Variants in FSIP1 observed in about 807,000 individuals in gnomAD.
FSIP1 encodes fibrous sheath-interacting protein 1.
A neutral mutation model predicts 60.9 loss-of-function variants in FSIP1; 65 were observed. That is an observed-to-expected ratio of 1.07 (90% CI 0.87 to 1.31). The LOEUF is 1.31. Among genes scored for constraint, FSIP1 ranks in the 40% most tolerant of loss-of-function variants. FSIP1 has a pLI of 0.00. For synonymous variants in FSIP1, 209 were observed against 221.2 expected, an observed-to-expected ratio of 0.94 and a Z score of 0.49; for missense variants, 675 against 665.5, an observed-to-expected ratio of 1.01 and a Z score of -0.16.
intron 10 of FSIP1, among the ~76,000 whole-genome samples, chr15:39,686,148 C>T (rs890919129): frequency 6.6e-6 from 1 of 152,154 alleles, no homozygotes; most frequent in Non-Finnish European, 1.5e-5. Context: ...TAAGGGGATT[C>T]TCTAGGAAAC....
chr15:39,663,976 A>C (rs1462701165), intron 10 of FSIP1, among the ~76,000 whole-genome samples: 1 of 152,208 alleles, frequency 6.6e-6, no homozygotes, highest in Non-Finnish European at 1.5e-5. Flanking sequence ...TCCTAATGGT[A>C]ACTAAAAGCT....
intron 8 of FSIP1, among the ~76,000 whole-genome samples, chr15:39,732,301 T>G (rs1466695040): frequency 6.6e-6 from 1 of 151,920 alleles, no homozygotes; most frequent in Non-Finnish European, 1.5e-5. Flanking sequence ...CCTAGAGAGA[T>G]TCAAGAGAAG....
intron 10 of FSIP1, among the ~76,000 whole-genome samples, chr15:39,619,645 T>C (rs1042052824): frequency 2.0e-5 from 3 of 152,164 alleles, no homozygotes; most frequent in South Asian, 2.1e-4. Context: ...ATCAGGAGCA[T>C]TATCTCCACC....
At position 39,741,834 on chromosome 15, in the gene FSIP1, T is replaced by C. The variant is rs748369342; in HGVS notation, c.626A>G (p.Tyr209Cys). ...VFHTQIPPEE[Y>C]EMQMQKLNKD... The stretch of plus-strand genomic sequence containing the variant: ...ATTGAGTTTCTGCATCTGCATTTCA[T>C]ATTCTTCTGGAGGGATTTGAGTATG... The change falls in exon 6 of 12, where the codon TAT (tyrosine) becomes TGT (cysteine). Residue 209 changes from tyrosine (Y) to cysteine (C), a missense_variant. Transcript: ENST00000350221. The C allele has an allele frequency of 6.2e-6, 10 of 1,600,972 alleles. No homozygotes were observed. The highest frequency in any genetic ancestry group is 8.6e-6 in the Non-Finnish European group (10 of 1,168,838).
chr15:39,659,386 C>T (rs975756282), intron 10 of FSIP1, among the ~76,000 whole-genome samples: 16 of 151,842 alleles, frequency 1.1e-4, no homozygotes, highest in African/African-American at 3.1e-4. Context: ...ACTAAAAATA[C>T]GAAAAATTAG....
At position 39,642,555 on chromosome 15, in the gene FSIP1, G is replaced by A. The variant is rs148970476; in HGVS notation, c.1189-24310C>T. On this transcript the variant is annotated intron_variant, in intron 10 of 11. Coordinates refer to ENST00000350221, the MANE Select transcript of FSIP1 (RefSeq NM_152597.5). ...CTGCATGGGGTAGGAATGCACACACGTGTTTTCAGCTGCTTCATATTCAGG... is the reference window on the plus strand; with the variant it reads ...CTGCATGGGGTAGGAATGCACACACATGTTTTCAGCTGCTTCATATTCAGG... Among the ~76,000 whole-genome samples the A allele has an allele frequency of 1.1e-4, 17 of 152,280 alleles. No individual in the cohort carries two copies. The East Asian group carries it at 2.7e-3, about 24-fold the overall frequency.
chr15:39,603,022 A>G, intron 11 of FSIP1, among the ~76,000 whole-genome samples: 1 of 152,204 alleles, frequency 6.6e-6, no homozygotes, highest in East Asian at 1.9e-4. Context: ...GTCTGTCATA[A>G]CTGCAGAGGA....
At chr15:39,724,907 A>AAAT (rs142713017) in intron 9 of FSIP1, among the ~76,000 whole-genome samples, 18,019 of 152,126 alleles carry the variant, frequency 0.12, 1,283 homozygotes, top group African/African-American at 0.2. Context: ...AGAATTCAGT[A>AAAT]ACATAAATAA....
intron 10 of FSIP1, among the ~76,000 whole-genome samples, chr15:39,640,618 A>G (rs1001782158): frequency 6.6e-6 from 1 of 152,030 alleles, no homozygotes; most frequent in Non-Finnish European, 1.5e-5. Flanking sequence ...GCTGAATTAA[A>G]TTTAAAGGAG....
intron 10 of FSIP1, among the ~76,000 whole-genome samples, chr15:39,643,611 G>A (rs907483674): frequency 6.6e-6 from 1 of 152,210 alleles, no homozygotes; most frequent in Non-Finnish European, 1.5e-5. Context: ...TAATACTTGT[G>A]AGTCTCAAAT....
intron 2 of FSIP1, among the ~76,000 whole-genome samples, chr15:39,772,660 G>A (rs991096121): frequency 2.7e-5 from 4 of 150,264 alleles, no homozygotes; most frequent in Admixed American, 1.3e-4. Context: ...GTGCGATATC[G>A]GCTCACTGCA....
intron 8 of FSIP1, among the ~76,000 whole-genome samples, chr15:39,732,619 C>CAAAAAAAA (rs56106819): frequency 2.5e-5 from 2 of 80,136 alleles, no homozygotes; most frequent in African/African-American, 8.6e-5. Flanking sequence ...AACTCCATCT[C>CAAAAAAAA]AAAAAAAAAA....
At chr15:39,609,100 G>A (rs1890930979) in intron 11 of FSIP1, among the ~76,000 whole-genome samples, 1 of 152,150 alleles carries the variant, frequency 6.6e-6, no homozygotes, top group African/African-American at 2.4e-5. Context: ...GGAAACACTG[G>A]GAGTACAGGC....
At chr15:39,739,629 C>G (rs895595705) in intron 7 of FSIP1, 36 bp downstream of exon 7, 5 of 1,566,082 alleles carry the variant, frequency 3.2e-6, no homozygotes, top group Non-Finnish European at 4.3e-6. Flanking sequence ...ACTCATTTAG[C>G]CCCAAATTCT....
intron 10 of FSIP1, among the ~76,000 whole-genome samples, chr15:39,664,567 C>T (rs1165601943): frequency 6.6e-6 from 1 of 152,122 alleles, no homozygotes; most frequent in African/African-American, 2.4e-5. Flanking sequence ...ATCGCCACCC[C>T]AATACCTGCT....
At chr15:39,719,882 C>A (rs1003097342) in intron 9 of FSIP1, among the ~76,000 whole-genome samples, 3 of 152,132 alleles carry the variant, frequency 2.0e-5, no homozygotes, top group Non-Finnish European at 4.4e-5. Context: ...AGGGCAGTTT[C>A]CCAGATTTAA....
intron 10 of FSIP1, among the ~76,000 whole-genome samples, chr15:39,626,972 C>T (rs1299920905): frequency 5.4e-5 from 8 of 149,000 alleles, no homozygotes; most frequent in Admixed American, 5.4e-4. Flanking sequence ...CTATCTGGAC[C>T]CTTCCCCCCT....
chr15:39,604,996 C>A (rs575233934), intron 11 of FSIP1, among the ~76,000 whole-genome samples: 2 of 152,264 alleles, frequency 1.3e-5, no homozygotes, highest in South Asian at 4.2e-4. Flanking sequence ...AGGACATATA[C>A]CAACACACAC....
intron 2 of FSIP1, among the ~76,000 whole-genome samples, chr15:39,775,494 A>G (rs1443208696): frequency 1.2e-5 from 1 of 83,286 alleles, no homozygotes; most frequent in African/African-American, 3.1e-5. Flanking sequence ...TATTTTAAGG[A>G]AAAAAAAGGG....
Sources: gnomAD v4.1 joint callset for allele counts (sites outside exome capture counted in the v4.1 genomes callset) on GRCh38, gnomAD v4.1.1 for gene constraint, MANE v1.5 for transcripts, NCBI Gene and HGNC (gene_info 2026-07-23, HGNC 2026-07-21) for gene names.